The following DIP2A variants were observed in gnomAD, a reference collection of about 807,000 sequenced individuals.
The protein encoded by DIP2A is DIP2 acetate--CoA ligase A.
A neutral mutation model predicts 177.4 loss-of-function variants in DIP2A; 85 were observed. The observed-to-expected ratio is 0.48, with a 90% CI of 0.40 to 0.57. The LOEUF (loss-of-function observed/expected upper bound fraction) is 0.57. Among genes scored for constraint, DIP2A ranks in the 20% least tolerant of loss-of-function variants. The probability of loss-of-function intolerance (pLI) is 0.00; values close to 1 mark genes in which losing one functional copy is unlikely to be tolerated. For synonymous variants in DIP2A, 886 were observed against 881.8 expected (o/e 1.00, Z -0.08); for missense variants, 1,791 against 2,100.2 (o/e 0.85, Z 2.88).
At position 46,563,641 on chromosome 21, in the gene DIP2A, C is replaced by A. The variant is rs1264147279; in HGVS notation, c.4090-217C>A. On this transcript the variant is annotated intron_variant, in intron 34 of 37. Coordinates refer to ENST00000417564, the MANE Select transcript of DIP2A (RefSeq NM_015151.4). This position sits in a 1 kb window ranked among gnomAD's most constrained non-coding sequence, Gnocchi z 4.3. ...CTGACACCCAGAGACGGGATCCCTT[C>A]TCAGGAACTGGAGTCATTTTGCTTA... 2.6e-6 allele frequency: 2 copies of A among 776,976 alleles called. No individual in the cohort carries two copies. Among genetic ancestry groups the A allele is most frequent in the Non-Finnish European group, 3.8e-6 (2 of 523,764 alleles). The allele number at this position is 776,976 out of a possible 1,614,324, so 48.1% of individuals were successfully genotyped here. A position where few individuals can be genotyped will look rare whatever the true frequency, so the allele number is the denominator to read the frequency against.
At chr21:46,465,158 C>T (rs1183362693) in intron 1 of DIP2A, among the ~76,000 whole-genome samples, 2 of 152,098 alleles carry the variant, frequency 1.3e-5, no homozygotes, top group Non-Finnish European at 2.9e-5. Context: ...TCAGAACTTC[C>T]ATATCATTTG....
intron 34 of DIP2A, 147 bp downstream of exon 34, chr21:46,561,952 C>T (rs1260998457): frequency 2.7e-6 from 4 of 1,462,876 alleles, no homozygotes; most frequent in Non-Finnish European, 3.6e-6. Context: ...CAGAAGTCTC[C>T]TTCCCTCCTT....
At chr21:46,540,180 C>T (rs1467898010) in intron 17 of DIP2A, among the ~76,000 whole-genome samples, 189 bp downstream of exon 17, 1 of 152,162 alleles carries the variant, frequency 6.6e-6, no homozygotes, top group Non-Finnish European at 1.5e-5. Flanking sequence ...CTTCCTGGGC[C>T]ATACTCTGGA....
chr21:46,471,030 T>A (rs1040312369), intron 1 of DIP2A, among the ~76,000 whole-genome samples: 3 of 152,154 alleles, frequency 2.0e-5, no homozygotes, highest in African/African-American at 4.8e-5. Context: ...ATGGGAAAAC[T>A]TTATTCTGCC....
intron 16 of DIP2A, chr21:46,538,817 TA>T (rs2059680821): frequency 6.3e-6 from 4 of 631,456 alleles, no homozygotes; most frequent in African/African-American, 3.7e-5. Flanking sequence ...GCAATTTTAA[TA>T]TGCTTGATGA....
In DIP2A at chr21:46,550,562, AGGTG is replaced by A; in HGVS notation, c.2660_2663del (p.Val887AlafsTer41). On this transcript the variant is annotated frameshift_variant, in exon 23 of 38. Coordinates refer to ENST00000417564, the MANE Select transcript of DIP2A (RefSeq NM_015151.4). LOFTEE classifies it high-confidence loss of function. ...TTTCAGGCCATTGATAGCATCCACC[AGGTG>A]GGCGTGTACTGTCTGGCCCTGGTTC... The A allele has an allele frequency of 6.2e-7, 1 of 1,613,336 alleles. No individual in the cohort carries two copies. The highest frequency in any genetic ancestry group is 8.5e-7 in the Non-Finnish European group (1 of 1,179,668).
chr21:46,488,687 A>G (rs896033935), intron 2 of DIP2A, among the ~76,000 whole-genome samples: 1 of 152,200 alleles, frequency 6.6e-6, no homozygotes, highest in African/African-American at 2.4e-5. Context: ...TATAACATCT[A>G]GTGCTGACAG....
rs555502626 is a variant in DIP2A, at chr21:46,545,399, C to T, written c.2313+126C>T. On this transcript the variant is annotated intron_variant, in intron 19 of 37. Coordinates refer to ENST00000417564, the MANE Select transcript of DIP2A (RefSeq NM_015151.4). ...ATGGTCTCCTTCCACACAGGCGCTG[C>T]TGGGGCTGTTGGCACATGGCCTGCA... 76 of 1,191,382 alleles carry T rather than the reference C, an allele frequency of 6.4e-5. No homozygotes were observed. The East Asian group carries it at 1.6e-3, about 25-fold the overall frequency. The allele number at this position is 1,191,382 out of a possible 1,614,324, so 73.8% of individuals were successfully genotyped here. A position where few individuals can be genotyped will look rare whatever the true frequency, so the allele number is the denominator to read the frequency against.
intron 18 of DIP2A, among the ~76,000 whole-genome samples, chr21:46,542,290 G>A (rs973109158): frequency 1.3e-5 from 2 of 152,174 alleles, no homozygotes; most frequent in African/African-American, 2.4e-5. Context: ...TTGGGAAGAC[G>A]GTGATAATAG....
At chr21:46,562,670 G>A (rs1400000007) in intron 34 of DIP2A, among the ~76,000 whole-genome samples, 3 of 152,204 alleles carry the variant, frequency 2.0e-5, no homozygotes, top group Admixed American at 1.3e-4. Context: ...GCTGAGTGTG[G>A]GGAGCAGAAG....
chr21:46,484,260 A>G (rs892143820), intron 1 of DIP2A, among the ~76,000 whole-genome samples: 2 of 152,272 alleles, frequency 1.3e-5, no homozygotes, highest in African/African-American at 2.4e-5. Flanking sequence ...GGTGATCACA[A>G]TTTTTAAAAT....
chr21:46,563,658 T>C lies in DIP2A; in HGVS notation c.4090-200T>C, dbSNP rs1322058927. Reference sequence around the variant, plus strand: ...GATCCCTTCTCAGGAACTGGAGTCATTTTGCTTATTTCTATTAACATCTCT... The same window carrying C: ...GATCCCTTCTCAGGAACTGGAGTCACTTTGCTTATTTCTATTAACATCTCT... On this transcript the variant is annotated intron_variant, in intron 34 of 37. Coordinates refer to ENST00000417564, the MANE Select transcript of DIP2A (RefSeq NM_015151.4). This position sits in a 1 kb window ranked among gnomAD's most constrained non-coding sequence, Gnocchi z 4.3. 2.1e-6 allele frequency: 2 copies of C among 952,006 alleles called. No homozygotes were observed. Among genetic ancestry groups the C allele is most frequent in the Non-Finnish European group, 3.0e-6 (2 of 677,580 alleles). The allele number at this position is 952,006 out of a possible 1,614,324, so 59.0% of individuals were successfully genotyped here.
At chr21:46,533,422 G>T (rs2059430726) in intron 10 of DIP2A, 102 bp from the exon 11 acceptor site, 1 of 1,387,786 alleles carries the variant, frequency 7.2e-7, no homozygotes, top group African/African-American at 1.5e-5. Context: ...TATGAGGGAT[G>T]AAAAAAAGAT....
At chr21:46,485,432 G>A (rs990855513) in intron 2 of DIP2A, among the ~76,000 whole-genome samples, 5 of 152,182 alleles carry the variant, frequency 3.3e-5, no homozygotes, top group African/African-American at 1.2e-4. Context: ...ATATGTGTGC[G>A]GACTTTGCAC....
Position 46,460,699 on chromosome 21 carries a change from A to G in DIP2A, c.91+1477A>G, listed in dbSNP as rs188624093. On this transcript the variant is annotated intron_variant, in intron 1 of 37. Coordinates refer to ENST00000417564, the MANE Select transcript of DIP2A (RefSeq NM_015151.4). ...TTAACAATGTTGTGACATGTGGCAC[A>G]TTTTTTTTTTTTGAGACGGAGTCTT... 1.7e-3 allele frequency among the ~76,000 whole-genome samples: 241 copies of G among 145,970 alleles called. 1 individual carries two copies. The highest frequency in any genetic ancestry group is 4.1e-3 in the South Asian group (19 of 4,630).
At chr21:46,561,038 C>T (rs1228426818) in intron 33 of DIP2A, 36 of 982,580 alleles carry the variant, frequency 3.7e-5, no homozygotes, top group African/African-American at 5.2e-5. Flanking sequence ...TATCTCTGTG[C>T]GCCCGTGTCC....
chr21:46,555,912 C>T (rs1429136329), intron 28 of DIP2A, 70 bp from the exon 29 acceptor site: 2 of 1,180,672 alleles, frequency 1.7e-6, no homozygotes, highest in Non-Finnish European at 2.5e-6. Context: ...TCGCCTCTTG[C>T]CTGTGAAAGC....
At chr21:46,483,293 C>A (rs183657171) in intron 1 of DIP2A, among the ~76,000 whole-genome samples, 1 of 149,850 alleles carries the variant, frequency 6.7e-6, no homozygotes, top group East Asian at 2.0e-4. Flanking sequence ...CTAAAAGACA[C>A]TATAGAAAGA....
intron 6 of DIP2A, among the ~76,000 whole-genome samples, chr21:46,504,929 C>T (rs999643272): frequency 6.6e-6 from 1 of 152,224 alleles, no homozygotes; most frequent in African/African-American, 2.4e-5. Context: ...GGTGCAACAG[C>T]AATCATGGTT....
Sources: gnomAD v4.1 joint callset for allele counts (sites outside exome capture counted in the v4.1 genomes callset) on GRCh38, gnomAD v4.1.1 for gene constraint, Gnocchi (gnomAD v3.1) non-coding constraint, MANE v1.5 for transcripts, NCBI Gene and HGNC (gene_info 2026-07-23, HGNC 2026-07-21) for gene names.